Variants in MEDAG observed in about 807,000 individuals in gnomAD.
The protein encoded by MEDAG is mesenteric estrogen dependent adipogenesis, also known as mesenteric estrogen-dependent adipogenesis protein.
A neutral mutation model predicts 29.9 loss-of-function variants in MEDAG; 25 were observed. That is an observed-to-expected ratio of 0.84 (90% CI 0.61 to 1.17). MEDAG has a LOEUF of 1.17. Ranked by LOEUF, MEDAG falls within the 50% of genes most tolerant of loss-of-function variation. The pLI, the probability that MEDAG is intolerant of heterozygous loss-of-function variation, is 0.00. For synonymous variants in MEDAG, 158 were observed against 148.2 expected, an observed-to-expected ratio of 1.07 and a Z score of -0.48; for missense variants, 398 against 372.9, an observed-to-expected ratio of 1.07 and a Z score of -0.56.
intron 1 of MEDAG, among the ~76,000 whole-genome samples, chr13:30,912,418 T>G (rs955038177): frequency 1.3e-5 from 2 of 152,136 alleles, no homozygotes; most frequent in East Asian, 3.9e-4. Flanking sequence ...ATTATGATGG[T>G]GGCAAGCAGT....
At chr13:30,920,384 A>G (rs896708534) in intron 2 of MEDAG, among the ~76,000 whole-genome samples, 5 of 152,056 alleles carry the variant, frequency 3.3e-5, no homozygotes, top group Admixed American at 2.6e-4. Flanking sequence ...TCAGGAGTTC[A>G]AGACCACCCT....
chr13:30,919,635 G>A (rs1036300483), intron 2 of MEDAG, among the ~76,000 whole-genome samples: 3 of 152,332 alleles, frequency 2.0e-5, no homozygotes, highest in Middle Eastern at 3.4e-3. Flanking sequence ...TAAGAAAAAC[G>A]AGATGAATAA....
Position 30,906,403 on chromosome 13 carries a change from G to C in MEDAG, c.-113G>C. The C allele has an allele frequency of 8.4e-7, 1 of 1,187,328 alleles. No homozygotes were observed. The highest frequency in any genetic ancestry group is 1.1e-6 in the Non-Finnish European group (1 of 917,262). The allele number at this position is 1,187,328 out of a possible 1,614,324, so 73.5% of individuals were successfully genotyped here. ...GGCAGACCGACCCCCTCCTCACCTC[G>C]CGCGCGGCTGACGCAGGCAGGGCGC... On this transcript the variant is annotated 5_prime_UTR_variant, in exon 1 of 5. Coordinates refer to ENST00000380482, the MANE Select transcript of MEDAG (RefSeq NM_032849.4).
chr13:30,910,619 GT>G (rs749866029), intron 1 of MEDAG, among the ~76,000 whole-genome samples: 1 of 152,236 alleles, frequency 6.6e-6, no homozygotes, highest in Non-Finnish European at 1.5e-5. Flanking sequence ...CTGGAATTAT[GT>G]CAGCTAGTGC....
intron 1 of MEDAG, among the ~76,000 whole-genome samples, chr13:30,912,312 C>T (rs188095726): frequency 5.9e-5 from 9 of 152,244 alleles, no homozygotes; most frequent in Non-Finnish European, 8.8e-5. Context: ...CTGTGTAAGG[C>T]GATCAAGCTA....
intron 1 of MEDAG, among the ~76,000 whole-genome samples, chr13:30,914,880 T>A (rs910348813): frequency 2.6e-5 from 4 of 152,202 alleles, no homozygotes; most frequent in African/African-American, 7.2e-5. Flanking sequence ...ACAAATGCCA[T>A]GCGCTTTCCA....
At chr13:30,911,720 G>A (rs550799537) in intron 1 of MEDAG, among the ~76,000 whole-genome samples, 1 of 152,336 alleles carries the variant, frequency 6.6e-6, no homozygotes, top group South Asian at 2.1e-4. Flanking sequence ...TCTGGCATTA[G>A]TATGTTTGAA....
intron 1 of MEDAG, 83 bp downstream of exon 1, chr13:30,906,876 G>T: frequency 7.6e-7 from 1 of 1,322,726 alleles, no homozygotes; most frequent in Non-Finnish European, 9.8e-7. Flanking sequence ...GGGAGCCTGG[G>T]CTGTCCTCGC....
chr13:30,911,428 CT>C lies in MEDAG; in HGVS notation c.278+4636del, dbSNP rs1281376531. Among the ~76,000 whole-genome samples the C allele has an allele frequency of 5.3e-5, 8 of 152,268 alleles. No individual in the cohort carries two copies. In the East Asian group the frequency reaches 1.4e-3, roughly 26 times the overall value. On this transcript the variant is annotated intron_variant, in intron 1 of 4. Coordinates refer to ENST00000380482, the MANE Select transcript of MEDAG (RefSeq NM_032849.4). ...GGTCTCCTTTCTACTCTCAGCCCCC[CT>C]GGTCCTTGCCACCTACCTGCCTGCC...
intron 1 of MEDAG, among the ~76,000 whole-genome samples, chr13:30,911,450 C>T (rs530914552): frequency 5.3e-5 from 8 of 152,128 alleles, no homozygotes; most frequent in Non-Finnish European, 1.0e-4. Context: ...ACCTACCTGC[C>T]TGCCTGCCTG....
At position 30,906,757 on chromosome 13, in the gene MEDAG, AC is replaced by A; in HGVS notation, c.243del (p.Asp81GlufsTer17). On this transcript the variant is annotated frameshift_variant, in exon 1 of 5. Transcript: ENST00000380482. LOFTEE classifies it high-confidence loss of function. ...NVFGDGLVRL[D>X]GQLYRLSSYI... is the part of the protein sequence containing the mutation. ...TTCGGTGACGGCCTCGTGCGCCTCG[AC>A]GGGCAGCTCTACCGCCTCAGCAGCT... The A allele has an allele frequency of 6.6e-7, 1 of 1,510,408 alleles. No homozygotes were observed. 93.6% of individuals were successfully genotyped at this position (1,510,408 alleles called of 1,614,324 possible). A position where few individuals can be genotyped will look rare whatever the true frequency, so the allele number is the denominator to read the frequency against.
intron 1 of MEDAG, among the ~76,000 whole-genome samples, chr13:30,907,394 A>G (rs1013292466): frequency 6.6e-6 from 1 of 152,232 alleles, no homozygotes; most frequent in Non-Finnish European, 1.5e-5. Flanking sequence ...GCCCGGGGCC[A>G]TGTGGGCTGT....
chr13:30,913,021 T>A (rs900303501), intron 1 of MEDAG, among the ~76,000 whole-genome samples: 1 of 152,234 alleles, frequency 6.6e-6, no homozygotes, highest in African/African-American at 2.4e-5. Flanking sequence ...GAAAAAATAC[T>A]GTTATGCCCT....
At chr13:30,907,012 C>T (rs1325447672) in intron 1 of MEDAG, among the ~76,000 whole-genome samples, 3 of 152,228 alleles carry the variant, frequency 2.0e-5, no homozygotes, top group Admixed American at 6.5e-5. Flanking sequence ...GCAGCTGCTG[C>T]TTGAAGCCGC....
At chr13:30,910,629 G>A (rs968219597) in intron 1 of MEDAG, among the ~76,000 whole-genome samples, 1 of 152,230 alleles carries the variant, frequency 6.6e-6, no homozygotes, top group Non-Finnish European at 1.5e-5. Flanking sequence ...GTCAGCTAGT[G>A]CACATTTTGT....
At chr13:30,915,268 A>G (rs1332549841) in intron 1 of MEDAG, among the ~76,000 whole-genome samples, 1 of 152,194 alleles carries the variant, frequency 6.6e-6, no homozygotes, top group East Asian at 1.9e-4. Flanking sequence ...AATATTCAAT[A>G]TGTAGAAGCA....
intron 1 of MEDAG, among the ~76,000 whole-genome samples, chr13:30,907,110 G>T (rs1477394967): frequency 6.6e-6 from 1 of 152,176 alleles, no homozygotes; most frequent in African/African-American, 2.4e-5. Context: ...TCCCATTCTG[G>T]CTCCTTAACT....
intron 1 of MEDAG, 147 bp from the exon 2 acceptor site, chr13:30,917,256 C>A: frequency 1.5e-6 from 1 of 654,334 alleles, no homozygotes. Context: ...CAGAAAGATT[C>A]GTTTATATGG....
intron 2 of MEDAG, among the ~76,000 whole-genome samples, chr13:30,918,610 G>A (rs897357310): frequency 1.3e-5 from 2 of 152,170 alleles, no homozygotes; most frequent in African/African-American, 2.4e-5. Flanking sequence ...AGAATGATAT[G>A]TGGGGGAAGT....
Sources: allele counts gnomAD v4.1 joint callset (sites outside exome capture counted in the v4.1 genomes callset), GRCh38; gene constraint gnomAD v4.1.1; transcripts MANE v1.5; gene names NCBI Gene and HGNC (gene_info 2026-07-23, HGNC 2026-07-21).